CSMD3: variants seen among roughly 807,000 people sequenced by gnomAD.
The protein encoded by CSMD3 is CUB and Sushi multiple domains 3, also known as CUB and sushi domain-containing protein 3.
Under a neutral mutation model 435.2 loss-of-function variants are expected in CSMD3, and 177 were observed. The observed-to-expected ratio is 0.41, with a 90% CI of 0.36 to 0.46. CSMD3 has a LOEUF of 0.46. Ranked by LOEUF, CSMD3 falls within the 20% of genes least tolerant of loss-of-function variation. CSMD3 has a pLI of 0.34. For missense variants in CSMD3, 4,265 were observed against 4,504.6 expected (o/e 0.95, Z 1.52); for synonymous variants, 1,656 against 1,520.5 (o/e 1.09, Z -2.07).
chr8:113,397,960 G>A (rs2094492060), intron 1 of CSMD3, among the ~76,000 whole-genome samples: 1 of 151,940 alleles, frequency 6.6e-6, no homozygotes, highest in South Asian at 2.1e-4. Context: ...AGTTAATTGT[G>A]CCTCCATTTT....
chr8:112,303,748 A>G (rs1021035769), intron 52 of CSMD3, among the ~76,000 whole-genome samples: 2 of 152,208 alleles, frequency 1.3e-5, no homozygotes, highest in African/African-American at 2.4e-5. Flanking sequence ...AAATCAGTGA[A>G]TATTCATAAA....
intron 6 of CSMD3, among the ~76,000 whole-genome samples, chr8:112,999,410 G>A (rs1027213546): frequency 1.3e-5 from 2 of 151,826 alleles, no homozygotes; most frequent in Non-Finnish European, 2.9e-5. Flanking sequence ...TTGAGGACCA[G>A]CAAGGATGCC....
chr8:112,482,560 A>T (rs1819733780), intron 31 of CSMD3, among the ~76,000 whole-genome samples: 1 of 152,194 alleles, frequency 6.6e-6, no homozygotes, highest in Non-Finnish European at 1.5e-5. Flanking sequence ...AAGTTCCTGG[A>T]AACAGCTAAC....
At chr8:112,606,972 G>GAAAAAAAAA (rs71309778) in intron 22 of CSMD3, among the ~76,000 whole-genome samples, 3 of 36,638 alleles carry the variant, frequency 8.2e-5, no homozygotes, top group East Asian at 8.2e-4. Context: ...CTCAAGCTAT[G>GAAAAAAAAA]AAAAAAAAAA....
intron 22 of CSMD3, among the ~76,000 whole-genome samples, chr8:112,588,870 T>G (rs1340543501): frequency 6.6e-6 from 1 of 152,124 alleles, no homozygotes; most frequent in Non-Finnish European, 1.5e-5. Context: ...TTAGTGGAAA[T>G]CATTTACATT....
chr8:112,304,313 ATATCATTTCTC>A (rs1821209012), intron 52 of CSMD3, among the ~76,000 whole-genome samples: 1 of 151,998 alleles, frequency 6.6e-6, no homozygotes, highest in South Asian at 2.1e-4. Flanking sequence ...ACTTGGTCAA[ATATCATTTCTC>A]TATCATTTAT....
At chr8:112,639,498 C>T (rs957574427) in intron 20 of CSMD3, among the ~76,000 whole-genome samples, 5 of 152,088 alleles carry the variant, frequency 3.3e-5, no homozygotes, top group African/African-American at 7.2e-5. Flanking sequence ...TTTCACAAAT[C>T]GGACACCTTT....
At position 112,929,313 on chromosome 8, in the gene CSMD3, C is replaced by T. The variant is rs532231171; in HGVS notation, c.1509-7562G>A. Among the ~76,000 whole-genome samples the T allele has an allele frequency of 2.9e-4, 44 of 149,820 alleles. No individual in the cohort carries two copies. The East Asian group carries it at 4.6e-3, about 16-fold the overall frequency. On this transcript the variant is annotated intron_variant, in intron 9 of 70. Coordinates refer to ENST00000297405, the MANE Select transcript of CSMD3 (RefSeq NM_198123.2). ...TAGTGGGTGCAGCACACCAGCATGGCACATGTATGCGTATGTAACTAACCT... is the reference window on the plus strand; with the variant it reads ...TAGTGGGTGCAGCACACCAGCATGGTACATGTATGCGTATGTAACTAACCT...
intron 4 of CSMD3, among the ~76,000 whole-genome samples, chr8:113,111,253 T>C (rs1432730762): frequency 2.6e-5 from 4 of 152,184 alleles, no homozygotes; most frequent in Non-Finnish European, 5.9e-5. Flanking sequence ...TATATATTTA[T>C]GGGGTACAGC....
intron 27 of CSMD3, among the ~76,000 whole-genome samples, chr8:112,542,245 G>T (rs2131143910): frequency 6.7e-6 from 1 of 148,464 alleles, no homozygotes; most frequent in South Asian, 2.1e-4. Flanking sequence ...TCCAAGATCA[G>T]GAATAAGCCA....
chr8:112,494,482 GTTTCTTTCTCTCC>G (rs1428329669), intron 30 of CSMD3, among the ~76,000 whole-genome samples: 1 of 71,588 alleles, frequency 1.4e-5, no homozygotes, highest in East Asian at 3.3e-4. Flanking sequence ...CTTTTCTTTT[GTTTCTTTCTCTCC>G]TTTCTTTCTT....
chr8:112,722,940 G>A (rs1203701762), intron 13 of CSMD3, among the ~76,000 whole-genome samples: 1 of 151,584 alleles, frequency 6.6e-6, no homozygotes, highest in African/African-American at 2.4e-5. Flanking sequence ...ATTTATAATA[G>A]GCCCAAAAAG....
chr8:113,027,343 A>T (rs2086910624), intron 5 of CSMD3, among the ~76,000 whole-genome samples: 1 of 152,144 alleles, frequency 6.6e-6, no homozygotes, highest in Non-Finnish European at 1.5e-5. Context: ...ACTCAAAAAA[A>T]TAAAAAAAAC....
At chr8:113,178,460 T>G (rs2092378349) in intron 3 of CSMD3, among the ~76,000 whole-genome samples, 1 of 151,876 alleles carries the variant, frequency 6.6e-6, no homozygotes, top group African/African-American at 2.4e-5. Flanking sequence ...TAGCAAAAGG[T>G]AGACATGGAG....
At chr8:112,336,100 G>C (rs2130953495) in intron 44 of CSMD3, among the ~76,000 whole-genome samples, 1 of 152,052 alleles carries the variant, frequency 6.6e-6, no homozygotes, top group East Asian at 1.9e-4. Context: ...TTTCTAGAGA[G>C]AGTCTCACTA....
intron 13 of CSMD3, among the ~76,000 whole-genome samples, chr8:112,786,045 A>C (rs112084803): frequency 0.025 from 3,867 of 152,264 alleles, 80 homozygotes; most frequent in East Asian, 0.074. Context: ...GAGCTATAGT[A>C]ACCAAAACAG....
At chr8:112,310,811 C>T (rs558644616) in intron 50 of CSMD3, 167 bp downstream of exon 50, 13 of 712,032 alleles carry the variant, frequency 1.8e-5, no homozygotes, top group South Asian at 1.6e-4. Context: ...GTTTCTTTCC[C>T]CTGGAATTTA....
chr8:112,326,990 C>A (rs1035219717), intron 45 of CSMD3, among the ~76,000 whole-genome samples: 1 of 151,936 alleles, frequency 6.6e-6, no homozygotes, highest in East Asian at 1.9e-4. Context: ...CCGCTGCACT[C>A]CAGCCTGGGC....
intron 31 of CSMD3, among the ~76,000 whole-genome samples, chr8:112,478,865 C>T (rs181710757): frequency 5.3e-4 from 81 of 152,228 alleles, no homozygotes; most frequent in African/African-American, 1.9e-3. Flanking sequence ...CGAATGCTGC[C>T]TTTTCCAATA....
Sources: gnomAD v4.1 joint callset for allele counts (sites outside exome capture counted in the v4.1 genomes callset) on GRCh38, gnomAD v4.1.1 for gene constraint, MANE v1.5 for transcripts, NCBI Gene and HGNC (gene_info 2026-07-23, HGNC 2026-07-21) for gene names.